The following SIRPD variants were observed in gnomAD, a reference collection of about 807,000 sequenced individuals.
SIRPD encodes signal-regulatory protein delta.
SIRPD carries 21 observed loss-of-function variants against 18.0 expected under a neutral mutation model. The ratio of observed to expected loss-of-function variants is 1.17; its 90% confidence interval spans 0.83 to 1.68. SIRPD has a LOEUF of 1.68. Among genes scored for constraint, SIRPD ranks in the 40% most tolerant of loss-of-function variants. The probability of loss-of-function intolerance (pLI) is 0.00; values close to 1 mark genes in which losing one functional copy is unlikely to be tolerated. For synonymous variants in SIRPD, 106 were observed against 92.9 expected, an observed-to-expected ratio of 1.14 and a Z score of -0.81; for missense variants, 295 against 238.4, an observed-to-expected ratio of 1.24 and a Z score of -1.56.
intron 2 of SIRPD, among the ~76,000 whole-genome samples, chr20:1,548,490 T>C (rs1378677332): frequency 1.3e-5 from 2 of 152,204 alleles, no homozygotes; most frequent in African/African-American, 4.8e-5. Flanking sequence ...ATGCTTTCTA[T>C]ATGTTGCTGG....
intron 2 of SIRPD, among the ~76,000 whole-genome samples, chr20:1,546,246 C>T (rs950965829): frequency 4.6e-5 from 7 of 152,210 alleles, no homozygotes; most frequent in African/African-American, 1.7e-4. Context: ...GGTGCTCTGT[C>T]CCAGGGAGAT....
intron 2 of SIRPD, among the ~76,000 whole-genome samples, chr20:1,550,849 G>A (rs542191471): frequency 6.6e-5 from 10 of 152,182 alleles, no homozygotes; most frequent in African/African-American, 2.2e-4. Context: ...TAGATGAAAT[G>A]TTTGGAATAT....
chr20:1,551,125 TAG>T (rs2091017113), intron 2 of SIRPD, among the ~76,000 whole-genome samples: 1 of 152,230 alleles, frequency 6.6e-6, no homozygotes, highest in Non-Finnish European at 1.5e-5. Flanking sequence ...TTCACATTAT[TAG>T]AGGTCCAGAG....
Position 1,534,278 on chromosome 20 carries a change from T to G in SIRPD, c.*147A>C. 9.3e-7 allele frequency: 1 copy of G among 1,077,448 alleles called. No homozygotes were observed. The highest frequency in any genetic ancestry group is 2.2e-5 in the Admixed American group (1 of 46,426). 66.7% of individuals were successfully genotyped at this position (1,077,448 alleles called of 1,614,324 possible). On this transcript the variant is annotated 3_prime_UTR_variant, in exon 4 of 4. Transcript: ENST00000381623. ...GGACCCAGGTAAATAGACAGATTTA[T>G]TGTACGATCAAGCTGGCATTTTATG... is the stretch of plus-strand genomic sequence containing the variant.
At chr20:1,547,155 C>A (rs893339331) in intron 2 of SIRPD, among the ~76,000 whole-genome samples, 3 of 152,106 alleles carry the variant, frequency 2.0e-5, no homozygotes, top group African/African-American at 2.4e-5. Flanking sequence ...TATTTTTAGG[C>A]TTTCAAACCA....
intron 2 of SIRPD, among the ~76,000 whole-genome samples, chr20:1,548,567 GT>G (rs1031176748): frequency 3.3e-5 from 5 of 151,728 alleles, no homozygotes; most frequent in Admixed American, 2.0e-4. Context: ...TTTGATCTGT[GT>G]TTTTTTCTTG....
chr20:1,544,895 A>T (rs1726688292), intron 2 of SIRPD, among the ~76,000 whole-genome samples: 1 of 152,150 alleles, frequency 6.6e-6, no homozygotes, highest in Non-Finnish European at 1.5e-5. Flanking sequence ...GCTGGATATG[A>T]AATTCTGGGT....
intron 2 of SIRPD, chr20:1,540,291 C>T (rs2090965435): frequency 4.4e-6 from 2 of 455,876 alleles, no homozygotes; most frequent in African/African-American, 2.0e-5. Context: ...GATTTCAGTC[C>T]AGAGATGCAG....
At chr20:1,539,427 G>A (rs1568666060) in intron 2 of SIRPD, among the ~76,000 whole-genome samples, 1 of 152,132 alleles carries the variant, frequency 6.6e-6, no homozygotes, top group African/African-American at 2.4e-5. Flanking sequence ...ATCTCACATG[G>A]GCTTGAAAAG....
intron 3 of SIRPD, among the ~76,000 whole-genome samples, chr20:1,535,172 C>T (rs2090940088): frequency 6.6e-6 from 1 of 152,092 alleles, no homozygotes; most frequent in South Asian, 2.1e-4. Context: ...AAAGGGTCCC[C>T]AATTTATCAT....
intron 1 of SIRPD, among the ~76,000 whole-genome samples, chr20:1,556,226 T>C (rs1223195111): frequency 6.6e-6 from 1 of 152,212 alleles, no homozygotes; most frequent in African/African-American, 2.4e-5. Context: ...GTGGGATAGT[T>C]GGGAGTCACC....
At chr20:1,534,929 A>T (rs913519747) in intron 3 of SIRPD, among the ~76,000 whole-genome samples, 2 of 152,230 alleles carry the variant, frequency 1.3e-5, no homozygotes, top group Non-Finnish European at 2.9e-5. Flanking sequence ...TGACGGCCTT[A>T]TTCAAAAGAA....
rs890096306 is a variant in SIRPD at position 1,542,262 on chromosome 20, C to G, written c.422-4952G>C. Reference sequence around the variant, plus strand: ...GGCCATTTTCACGATATTGATTATTCCTATCCATGAGAGTGGAATGTTTTT... The same window carrying G: ...GGCCATTTTCACGATATTGATTATTGCTATCCATGAGAGTGGAATGTTTTT... On this transcript the variant is annotated intron_variant, in intron 2 of 3. Transcript: ENST00000381623. 1.6e-4 allele frequency among the ~76,000 whole-genome samples: 25 copies of G among 152,108 alleles called. 1 individual carries two copies. The highest frequency in any genetic ancestry group is 3.5e-4 in the Non-Finnish European group (24 of 68,034).
chr20:1,546,198 G>T (rs2090992976), intron 2 of SIRPD, among the ~76,000 whole-genome samples: 1 of 152,210 alleles, frequency 6.6e-6, no homozygotes, highest in Admixed American at 6.5e-5. Flanking sequence ...GAATGTTTAA[G>T]TCTGCTGAAG....
At chr20:1,543,117 G>A (rs2090979365) in intron 2 of SIRPD, among the ~76,000 whole-genome samples, 1 of 152,168 alleles carries the variant, frequency 6.6e-6, no homozygotes, top group Non-Finnish European at 1.5e-5. Context: ...TCTCTGCCAG[G>A]TTTTGGTATC....
intron 3 of SIRPD, 150 bp from the exon 4 acceptor site, chr20:1,534,591 A>G (rs573100847): frequency 1.4e-6 from 1 of 700,370 alleles, no homozygotes; most frequent in African/African-American, 1.8e-5. Flanking sequence ...AGGCGCTCCC[A>G]CATACTGCTG....
At chr20:1,549,846 T>A (rs966439125) in intron 2 of SIRPD, among the ~76,000 whole-genome samples, 1 of 152,156 alleles carries the variant, frequency 6.6e-6, no homozygotes, top group Non-Finnish European at 1.5e-5. Flanking sequence ...TTTGTATCCA[T>A]TAGTTACACC....
intron 1 of SIRPD, among the ~76,000 whole-genome samples, chr20:1,556,986 CTCACG>C (rs1568672057): frequency 2.0e-5 from 3 of 152,192 alleles, no homozygotes; most frequent in African/African-American, 7.2e-5. Flanking sequence ...GGTGTGGTGG[CTCACG>C]CCTATAATGC....
At chr20:1,551,551 G>T (rs1365528575) in intron 2 of SIRPD, 140 bp downstream of exon 2, 11 of 700,964 alleles carry the variant, frequency 1.6e-5, no homozygotes, top group Non-Finnish European at 2.6e-5. Context: ...CTCACAGCTT[G>T]CTGAGAGAAT....
Sources: allele counts gnomAD v4.1 joint callset (sites outside exome capture counted in the v4.1 genomes callset), GRCh38; gene constraint gnomAD v4.1.1; transcripts MANE v1.5; gene names NCBI Gene and HGNC (gene_info 2026-07-23, HGNC 2026-07-21).